The following PRKAR1A variants were observed in gnomAD, a reference collection of about 807,000 sequenced individuals.
PRKAR1A encodes the protein cAMP-dependent protein kinase type I-alpha regulatory subunit.
In PRKAR1A, 3 loss-of-function variants were observed where a neutral mutation model predicts 52.0. The ratio of observed to expected loss-of-function variants is 0.06; its 90% confidence interval spans 0.03 to 0.15. The LOEUF (loss-of-function observed/expected upper bound fraction) is 0.15, where lower values mean the gene tolerates loss of function less well. Among genes scored for constraint, PRKAR1A ranks in the 10% least tolerant of loss-of-function variants. The probability of loss-of-function intolerance (pLI) is 1.00; values close to 1 mark genes in which losing one functional copy is unlikely to be tolerated. For synonymous variants in PRKAR1A, 188 were observed against 168.4 expected (o/e 1.12, Z -0.90); for missense variants, 240 against 477.4 (o/e 0.50, Z 4.63).
intron 10 of PRKAR1A, 99 bp from the exon 11 acceptor site, chr17:68,530,178 G>A: frequency 6.6e-7 from 1 of 1,524,250 alleles, no homozygotes; most frequent in Non-Finnish European, 9.1e-7. Flanking sequence ...TGAAATTACT[G>A]ATTGTCTCAT....
At chr17:68,527,947 G>T in intron 8 of PRKAR1A, 47 bp downstream of exon 8, 1 of 1,483,174 alleles carries the variant, frequency 6.7e-7, no homozygotes, top group Non-Finnish European at 9.4e-7. Flanking sequence ...AGATACCCCT[G>T]AATTAGAATT....
the PRKAR1A span, among the ~76,000 whole-genome samples, chr17:68,497,015 G>A: frequency 6.6e-6 from 1 of 151,640 alleles, no homozygotes; most frequent in South Asian, 2.1e-4. Context: ...GTGGAGACAG[G>A]GTTTTGCCAT....
rs190803359 is a variant in PRKAR1A at position 68,515,390 on chromosome 17, G to T, written c.-6-4G>T. On this transcript the variant is annotated splice_polypyrimidine_tract_variant and splice_region_variant and intron_variant, in intron 1 of 10. Transcript: ENST00000589228. ...ACAAGCATGTGTGTGTTTTTTTCTC[G>T]CAGAGAACCATGGAGTCTGGCAGTA... is the stretch of plus-strand genomic sequence containing the variant. 1.9e-6 allele frequency: 3 copies of T among 1,612,598 alleles called. No homozygotes were observed. The South Asian group carries it at 3.3e-5, about 18-fold the overall frequency.
the PRKAR1A span, among the ~76,000 whole-genome samples, chr17:68,472,711 C>A: frequency 6.6e-6 from 1 of 151,984 alleles, no homozygotes; most frequent in African/African-American, 2.4e-5. Flanking sequence ...TTTGGGAGGC[C>A]GAGGTGGGCA....
the PRKAR1A span, among the ~76,000 whole-genome samples, chr17:68,438,349 C>T: frequency 6.6e-6 from 1 of 152,216 alleles, no homozygotes; most frequent in Non-Finnish European, 1.5e-5. Context: ...AATTCCTCAC[C>T]CCTTCTGAAT....
At chr17:68,462,926 G>C in the PRKAR1A span, among the ~76,000 whole-genome samples, 9 of 152,188 alleles carry the variant, frequency 5.9e-5, no homozygotes, top group African/African-American at 2.2e-4. Context: ...GGTACATCTA[G>C]AAATATTCAA....
At chr17:68,437,947 TTAAAA>T in the PRKAR1A span, among the ~76,000 whole-genome samples, 4 of 58,808 alleles carry the variant, frequency 6.8e-5, 1 homozygote, top group African/African-American at 1.5e-4. Context: ...GACATCTCTC[TTAAAA>T]AAAAAAAAAA....
At chr17:68,536,110 CAT>C (rs747244122), downstream of PRKAR1A, 14 of 454,116 alleles carry the variant, frequency 3.1e-5, no homozygotes, top group South Asian at 2.2e-4. Context: ...GCATACCAGT[CAT>C]GTGGGGGTAC....
At chr17:68,507,495 T>C (rs1030058479), upstream of PRKAR1A, among the ~76,000 whole-genome samples, 6 of 152,114 alleles carry the variant, frequency 3.9e-5, no homozygotes, top group Admixed American at 2.6e-4. Context: ...CTGGGGCCTG[T>C]TGGGGAGGCA....
At chr17:68,464,237 A>C in the PRKAR1A span, among the ~76,000 whole-genome samples, 1 of 152,224 alleles carries the variant, frequency 6.6e-6, no homozygotes, top group East Asian at 1.9e-4. Context: ...TTGCTGAACA[A>C]AAATTTCTGA....
Position 68,525,258 on chromosome 17 carries a change from ACC to A in PRKAR1A, c.549+301_549+302del, listed in dbSNP as rs1430995384. ...GGTTGCTTGAGCCCAGGAGTTCAAGACCAGCCTGGGCAACAAAGTGAAACCTC... is the reference window on the plus strand; with the variant it reads ...GGTTGCTTGAGCCCAGGAGTTCAAGAAGCCTGGGCAACAAAGTGAAACCTC... On this transcript the variant is annotated intron_variant, in intron 6 of 10. Coordinates refer to ENST00000589228, the MANE Select transcript of PRKAR1A (RefSeq NM_002734.5). Among the ~76,000 whole-genome samples, 34 of 151,034 alleles carry A rather than the reference ACC, an allele frequency of 2.3e-4. 1 individual carries two copies. In the East Asian group the frequency reaches 6.3e-3, roughly 28 times the overall value.
the PRKAR1A span, among the ~76,000 whole-genome samples, chr17:68,445,506 G>A: frequency 4.0e-5 from 6 of 148,998 alleles, no homozygotes; most frequent in Admixed American, 1.3e-4. Context: ...GAAGGGCTTC[G>A]GCCCCATTTG....
At chr17:68,433,822 G>A in the PRKAR1A span, among the ~76,000 whole-genome samples, 9 of 117,452 alleles carry the variant, frequency 7.7e-5, no homozygotes, top group East Asian at 2.6e-3. Context: ...TCGCTCTGTT[G>A]CCCAGGCTGG....
At chr17:68,525,214 T>C (rs1370874839) in intron 6 of PRKAR1A, among the ~76,000 whole-genome samples, 1 of 151,558 alleles carries the variant, frequency 6.6e-6, no homozygotes, top group Non-Finnish European at 1.5e-5. Context: ...CCCAGCACTT[T>C]GGGAGATGGA....
intron 2 of PRKAR1A, among the ~76,000 whole-genome samples, chr17:68,522,284 A>C (rs2085636757): frequency 6.6e-6 from 1 of 152,256 alleles, no homozygotes; most frequent in African/African-American, 2.4e-5. Flanking sequence ...GAAATAACTC[A>C]GTAATCTAGA....
intron 11 of PRKAR1A, among the ~76,000 whole-genome samples, chr17:68,543,244 C>T (rs1384071819): frequency 6.6e-6 from 1 of 152,056 alleles, no homozygotes; most frequent in African/African-American, 2.4e-5. Context: ...GTAGCAATGA[C>T]TGAGCAAATA....
chr17:68,503,223 G>A, the PRKAR1A span, among the ~76,000 whole-genome samples: 1 of 152,236 alleles, frequency 6.6e-6, no homozygotes, highest in African/African-American at 2.4e-5. Flanking sequence ...TGCTGGCAAG[G>A]ATGTAGAGCA....
At chr17:68,527,970 G>A (rs1404251887) in intron 8 of PRKAR1A, 70 bp downstream of exon 8, 1 of 1,365,964 alleles carries the variant, frequency 7.3e-7, no homozygotes, top group African/African-American at 1.4e-5. Context: ...ATGGACTTGG[G>A]AAAAGCCTTC....
At chr17:68,548,617 G>A (rs1274494310) in intron 11 of PRKAR1A, among the ~76,000 whole-genome samples, 2 of 151,732 alleles carry the variant, frequency 1.3e-5, no homozygotes, top group Non-Finnish European at 2.9e-5. Context: ...AAATGACACC[G>A]ATAGACTTGC....
Sources: allele counts gnomAD v4.1 joint callset (sites outside exome capture counted in the v4.1 genomes callset), GRCh38; gene constraint gnomAD v4.1.1; transcripts MANE v1.5; gene names NCBI Gene and HGNC (gene_info 2026-07-23, HGNC 2026-07-21).